The following ANKS1B variants were observed in gnomAD, a reference collection of about 807,000 sequenced individuals.
ANKS1B encodes ankyrin repeat and sterile alpha motif domain-containing protein 1B.
In ANKS1B, 36 loss-of-function variants were observed where a neutral mutation model predicts 148.3. That is an observed-to-expected ratio of 0.24 (90% confidence interval 0.19 to 0.32). The LOEUF (loss-of-function observed/expected upper bound fraction) is 0.32, where lower values mean the gene tolerates loss of function less well. ANKS1B is among the 10% of genes least tolerant of loss of function. ANKS1B has a pLI of 1.00. For synonymous variants in ANKS1B, 542 were observed against 560.8 expected (o/e 0.97, Z 0.47); for missense variants, 1,157 against 1,542.6 (o/e 0.75, Z 4.19).
At chr12:99,471,173 A>G (rs1336009263) in intron 10 of ANKS1B, among the ~76,000 whole-genome samples, 2 of 152,068 alleles carry the variant, frequency 1.3e-5, no homozygotes, top group Non-Finnish European at 2.9e-5. Flanking sequence ...TCACAGCTAA[A>G]CTTAACTGAA....
At chr12:99,809,363 GC>G (rs2068045711) in intron 3 of ANKS1B, among the ~76,000 whole-genome samples, 1 of 150,586 alleles carries the variant, frequency 6.6e-6, no homozygotes, top group Non-Finnish European at 1.5e-5. Flanking sequence ...TCTGGGTTTT[GC>G]CCTAATGTTA....
chr12:98,907,502 C>T (rs994278817), intron 17 of ANKS1B, among the ~76,000 whole-genome samples: 8 of 152,198 alleles, frequency 5.3e-5, no homozygotes, highest in Non-Finnish European at 2.9e-5. Flanking sequence ...TCAGGTGGCA[C>T]TGGCAGGGGG....
intron 12 of ANKS1B, among the ~76,000 whole-genome samples, chr12:99,355,689 T>A (rs990782356): frequency 6.6e-6 from 1 of 152,198 alleles, no homozygotes; most frequent in Non-Finnish European, 1.5e-5. Flanking sequence ...GCTTTCATGC[T>A]GTTTGCCAAT....
chr12:98,887,486 C>T (rs1474053715), intron 17 of ANKS1B, among the ~76,000 whole-genome samples: 2 of 152,198 alleles, frequency 1.3e-5, no homozygotes, highest in South Asian at 4.1e-4. Flanking sequence ...AACCTCTTAA[C>T]ATTTTTCATC....
chr12:99,594,384 G>C (rs79823651), intron 9 of ANKS1B, among the ~76,000 whole-genome samples: 7 of 151,900 alleles, frequency 4.6e-5, no homozygotes, highest in Admixed American at 3.9e-4. Context: ...ATAAAATCAG[G>C]GTCCTGGAGG....
rs143236036 is a variant in ANKS1B, at chr12:98,844,408, C to CA, written c.2779-12273dup. The stretch of plus-strand genomic sequence containing the variant: ...GCTGAGCCCTCCCCTGGAACCCCAC[C>CA]AGAAGGAGCTCAGCAGCCAGCCATG... On this transcript the variant is annotated intron_variant, in intron 17 of 26. Coordinates refer to ENST00000683438, the MANE Select transcript of ANKS1B (RefSeq NM_001352186.2). 7.0e-3 allele frequency among the ~76,000 whole-genome samples: 1,061 copies of CA among 152,312 alleles called. 15 individuals are homozygous for CA. The highest frequency in any genetic ancestry group is 0.024 in the African/African-American group (1,014 of 41,554).
chr12:99,139,381 CCTTTCTTTCTTTCTTTCTTTCTTT>C (rs1172790560), intron 15 of ANKS1B, among the ~76,000 whole-genome samples: 1 of 336 alleles, frequency 3.0e-3, no homozygotes, highest in Non-Finnish European at 4.2e-3. Context: ...CTCCCTCCCT[CCTTTCTTTCTTTCTTTCTTTCTTT>C]CTTTCTTTCT....
intron 14 of ANKS1B, among the ~76,000 whole-genome samples, chr12:99,182,789 G>C (rs1029242030): frequency 6.6e-6 from 1 of 152,044 alleles, no homozygotes; most frequent in Non-Finnish European, 1.5e-5. Context: ...CAGTGTACGA[G>C]AGTTCCTTTT....
At chr12:98,932,176 G>C (rs988085459) in intron 17 of ANKS1B, among the ~76,000 whole-genome samples, 1 of 152,178 alleles carries the variant, frequency 6.6e-6, no homozygotes, top group Non-Finnish European at 1.5e-5. Context: ...TCTGTGTGTA[G>C]CTCTTTGCAA....
chr12:99,458,474 T>C (rs2152844414), intron 10 of ANKS1B, among the ~76,000 whole-genome samples: 1 of 146,526 alleles, frequency 6.8e-6, no homozygotes, highest in East Asian at 2.0e-4. Flanking sequence ...AACAGAAAGC[T>C]GGTTCTTTGA....
At chr12:99,528,889 T>G (rs916738099) in intron 9 of ANKS1B, among the ~76,000 whole-genome samples, 1 of 152,194 alleles carries the variant, frequency 6.6e-6, no homozygotes, top group African/African-American at 2.4e-5. Context: ...TGTTTAACAC[T>G]GGGAAATGAG....
intron 14 of ANKS1B, among the ~76,000 whole-genome samples, chr12:99,168,254 C>T (rs2077390379): frequency 6.6e-6 from 1 of 152,170 alleles, no homozygotes; most frequent in Admixed American, 6.5e-5. Context: ...CAGTGGCTCA[C>T]GCCTATAATC....
chr12:99,840,753 G>T (rs1313122243), intron 1 of ANKS1B, among the ~76,000 whole-genome samples: 4 of 152,028 alleles, frequency 2.6e-5, no homozygotes, highest in African/African-American at 7.2e-5. Flanking sequence ...TTATTTTTAG[G>T]TATAATAATC....
intron 12 of ANKS1B, among the ~76,000 whole-genome samples, chr12:99,251,834 C>T (rs924585151): frequency 1.1e-4 from 17 of 151,778 alleles, no homozygotes; most frequent in African/African-American, 3.6e-4. Context: ...TTAAGGATAC[C>T]GGGGCTGATG....
intron 10 of ANKS1B, among the ~76,000 whole-genome samples, chr12:99,468,418 C>T (rs573153387): frequency 2.0e-5 from 3 of 152,228 alleles, no homozygotes; most frequent in South Asian, 4.1e-4. Context: ...GCAATGGCAA[C>T]GAAAGCCAAA....
At chr12:99,943,887 G>C (rs2094984853) in intron 1 of ANKS1B, among the ~76,000 whole-genome samples, 1 of 151,912 alleles carries the variant, frequency 6.6e-6, no homozygotes, top group Non-Finnish European at 1.5e-5. Flanking sequence ...CATATGCCAT[G>C]GTGGTTTGCT....
In ANKS1B at chr12:98,894,854, G is replaced by C. The variant is rs990603597; in HGVS notation, c.2779-62718C>G. On this transcript the variant is annotated intron_variant, in intron 17 of 26. Coordinates refer to ENST00000683438, the MANE Select transcript of ANKS1B (RefSeq NM_001352186.2). ...CGCGCCGCGCTGCGCCGAGCGCCGG[G>C]CTCTCCCCGCGAGCTCCCCGGGCCC... 2.0e-6 allele frequency: 2 copies of C among 980,418 alleles called. 1 individual carries two copies. The highest frequency in any genetic ancestry group is 3.5e-5 in the African/African-American group (2 of 56,658). 60.7% of individuals were successfully genotyped at this position (980,418 alleles called of 1,614,324 possible). A position where few individuals can be genotyped will look rare whatever the true frequency, so the allele number is the denominator to read the frequency against.
chr12:99,241,249 A>G lies in ANKS1B; in HGVS notation c.2419+3093T>C, dbSNP rs1038106261. Among the ~76,000 whole-genome samples, 4 of 152,242 alleles carry G rather than the reference A, an allele frequency of 2.6e-5. No homozygotes were observed. In the South Asian group the frequency reaches 6.2e-4, roughly 24 times the overall value. On this transcript the variant is annotated intron_variant, in intron 14 of 26. Transcript: ENST00000683438. ...CAATCCCACAGAAATACAAACTACC[A>G]TCAGAGAATACTATAAACACCTCTA...
intron 11 of ANKS1B, among the ~76,000 whole-genome samples, chr12:99,422,945 A>G (rs2095136930): frequency 1.3e-5 from 2 of 152,210 alleles, no homozygotes; most frequent in Admixed American, 1.3e-4. Flanking sequence ...CCTTCAGTTT[A>G]ATAGGATGGA....
Sources: gnomAD v4.1 joint callset for allele counts (sites outside exome capture counted in the v4.1 genomes callset) on GRCh38, gnomAD v4.1.1 for gene constraint, MANE v1.5 for transcripts, NCBI Gene and HGNC (gene_info 2026-07-23, HGNC 2026-07-21) for gene names.